PHF24: variants seen among roughly 807,000 people sequenced by gnomAD.
The protein encoded by PHF24 is Galpha inhibitory interacting protein.
Under a neutral mutation model 42.6 loss-of-function variants are expected in PHF24, and 25 were observed. The observed-to-expected ratio is 0.59, with a 90% CI of 0.43 to 0.82. PHF24 has a LOEUF of 0.82. PHF24 is among the 40% of genes least tolerant of loss of function. The pLI, the probability that PHF24 is intolerant of heterozygous loss-of-function variation, is 0.00. For missense variants in PHF24, 470 were observed against 538.1 expected, an observed-to-expected ratio of 0.87 and a Z score of 1.25; for synonymous variants, 185 against 204.8, an observed-to-expected ratio of 0.90 and a Z score of 0.83.
chr9:34,882,315 C>A, the PHF24 span, among the ~76,000 whole-genome samples: 1 of 152,140 alleles, frequency 6.6e-6, no homozygotes, highest in African/African-American at 2.4e-5. Context: ...GACAAGGATG[C>A]CCTCTCTCAC....
At chr9:34,960,810 G>A (rs1366435028) in intron 1 of PHF24, among the ~76,000 whole-genome samples, 1 of 152,108 alleles carries the variant, frequency 6.6e-6, no homozygotes, top group Non-Finnish European at 1.5e-5. Context: ...ACTCTCCCTA[G>A]TCACAGCATG....
chr9:34,952,928 C>G (rs1313706391), upstream of PHF24, among the ~76,000 whole-genome samples: 1 of 152,184 alleles, frequency 6.6e-6, no homozygotes, highest in Non-Finnish European at 1.5e-5. Flanking sequence ...TATACAAAAT[C>G]AGGAATTTCA....
chr9:34,726,780 C>G, the PHF24 span: 4 of 1,551,730 alleles, frequency 2.6e-6, no homozygotes, highest in African/African-American at 4.1e-5. Flanking sequence ...GAATGAAACT[C>G]CAGACTCTGA....
upstream of PHF24, among the ~76,000 whole-genome samples, chr9:34,953,055 G>A (rs118182448): frequency 2.6e-3 from 398 of 152,308 alleles, 1 homozygote; most frequent in Non-Finnish European, 4.2e-3. This position sits in a 1 kb window ranked among gnomAD's most constrained non-coding sequence, Gnocchi z 4.1. Flanking sequence ...TTGTGATCAT[G>A]GGTTGGGCAA....
At chr9:34,824,074 T>G in the PHF24 span, among the ~76,000 whole-genome samples, 1 of 152,188 alleles carries the variant, frequency 6.6e-6, no homozygotes, top group Admixed American at 6.5e-5. Context: ...GCCTGTTTGC[T>G]CTCGCCTGGT....
At chr9:34,975,948 G>A (rs1827169322) in intron 3 of PHF24, among the ~76,000 whole-genome samples, 1 of 152,024 alleles carries the variant, frequency 6.6e-6, no homozygotes, top group Non-Finnish European at 1.5e-5. Flanking sequence ...GGGTTCTTGG[G>A]GAAGATTCTG....
the PHF24 span, among the ~76,000 whole-genome samples, chr9:34,855,513 TTA>T: frequency 6.6e-6 from 1 of 152,248 alleles, no homozygotes; most frequent in Non-Finnish European, 1.5e-5. Context: ...GAAAAGGATC[TTA>T]TTTCTCCTTT....
At chr9:34,703,855 C>G in the PHF24 span, among the ~76,000 whole-genome samples, 1 of 151,890 alleles carries the variant, frequency 6.6e-6, no homozygotes, top group Non-Finnish European at 1.5e-5. Flanking sequence ...TGTGTGCCAC[C>G]GCACCTGGCC....
the PHF24 span, among the ~76,000 whole-genome samples, chr9:34,846,692 G>A: frequency 1.6e-4 from 24 of 152,164 alleles, no homozygotes; most frequent in Admixed American, 1.5e-3. Context: ...TGTCCTGAAT[G>A]GTAATGCCCA....
chr9:34,837,116 A>G, the PHF24 span: 1 of 471,310 alleles, frequency 2.1e-6, no homozygotes, highest in African/African-American at 2.0e-5. Flanking sequence ...CTTCCTGAGA[A>G]AGTCTCCTAG....
chr9:34,749,129 T>C, the PHF24 span, among the ~76,000 whole-genome samples: 4 of 151,760 alleles, frequency 2.6e-5, no homozygotes, highest in Non-Finnish European at 5.9e-5. Context: ...ATTAGTGAGC[T>C]TAAAAACAGG....
the PHF24 span, chr9:34,723,018 A>G: frequency 1.5e-6 from 1 of 655,804 alleles, no homozygotes; most frequent in Non-Finnish European, 2.5e-6. Context: ...CCCTTAACAC[A>G]ATACAGCAGA....
At chr9:34,769,299 A>C in the PHF24 span, among the ~76,000 whole-genome samples, 1 of 152,086 alleles carries the variant, frequency 6.6e-6, no homozygotes, top group Admixed American at 6.5e-5. Context: ...TATTTTTACA[A>C]AATGCAAAAT....
chr9:34,965,262 CATTAAGT>C (rs1826728395), intron 1 of PHF24, among the ~76,000 whole-genome samples: 1 of 152,220 alleles, frequency 6.6e-6, no homozygotes, highest in Non-Finnish European at 1.5e-5. Context: ...TGATCCTCTC[CATTAAGT>C]ATTAAGAGTT....
chr9:34,665,804 G>A, the PHF24 span: 2 of 634,032 alleles, frequency 3.2e-6, no homozygotes, highest in Non-Finnish European at 5.7e-6. Flanking sequence ...AGCCTCAGTT[G>A]CCACCACGGG....
chr9:34,800,123 A>G, the PHF24 span, among the ~76,000 whole-genome samples: 1 of 152,290 alleles, frequency 6.6e-6, no homozygotes, highest in South Asian at 2.1e-4. Flanking sequence ...CTTGTACCTT[A>G]TAATTTTATA....
intron 4 of PHF24, 125 bp from the exon 5 acceptor site, chr9:34,976,410 G>C: frequency 9.0e-7 from 1 of 1,115,214 alleles, no homozygotes; most frequent in South Asian, 1.5e-5. Flanking sequence ...GGTGACCCTG[G>C]CCATGGGAGG....
chr9:34,713,507 C>A, the PHF24 span, among the ~76,000 whole-genome samples: 13 of 150,164 alleles, frequency 8.7e-5, no homozygotes, highest in African/African-American at 1.5e-4. Flanking sequence ...TACCACCCCC[C>A]CTGCTTGTTA....
chr9:34,684,719 C>G, the PHF24 span, among the ~76,000 whole-genome samples: 1 of 152,064 alleles, frequency 6.6e-6, no homozygotes, highest in East Asian at 1.9e-4. Flanking sequence ...GGAATGAGGT[C>G]GACGTGGTGA....
Sources: gnomAD v4.1 joint callset for allele counts (sites outside exome capture counted in the v4.1 genomes callset) on GRCh38, gnomAD v4.1.1 for gene constraint, Gnocchi (gnomAD v3.1) non-coding constraint, MANE v1.5 for transcripts, NCBI Gene and HGNC (gene_info 2026-07-23, HGNC 2026-07-21) for gene names.